Variants in RNF180 observed in about 807,000 individuals in gnomAD.
The protein encoded by RNF180 is ring finger protein 180, also known as E3 ubiquitin-protein ligase RNF180.
RNF180 carries 38 observed loss-of-function variants against 59.2 expected under a neutral mutation model. That is an observed-to-expected ratio of 0.64 (90% CI 0.50 to 0.84). The LOEUF (loss-of-function observed/expected upper bound fraction) is 0.84. RNF180 is among the 40% of genes least tolerant of loss of function. The pLI is 0.00. For synonymous variants in RNF180, 262 were observed against 240.3 expected, an observed-to-expected ratio of 1.09 and a Z score of -0.84; for missense variants, 705 against 700.9, an observed-to-expected ratio of 1.01 and a Z score of -0.07.
chr5:64,174,322 C>T (rs1750110625), intron 1 of RNF180, among the ~76,000 whole-genome samples: 1 of 152,094 alleles, frequency 6.6e-6, no homozygotes. Context: ...GATATATACC[C>T]AGAAGTGGGA....
intron 5 of RNF180, among the ~76,000 whole-genome samples, chr5:64,247,698 A>G (rs957165266): frequency 6.6e-6 from 1 of 152,238 alleles, no homozygotes; most frequent in African/African-American, 2.4e-5. Context: ...AGTAATTTAT[A>G]GATTCAATGC....
chr5:64,170,492 A>G (rs759604917), intron 1 of RNF180, among the ~76,000 whole-genome samples: 2 of 152,172 alleles, frequency 1.3e-5, no homozygotes, highest in Non-Finnish European at 2.9e-5. Flanking sequence ...TTATGTAAAG[A>G]TTTGGGTTTG....
At chr5:64,333,769 A>T (rs552137447) in intron 7 of RNF180, among the ~76,000 whole-genome samples, 1 of 152,268 alleles carries the variant, frequency 6.6e-6, no homozygotes, top group Admixed American at 6.5e-5. Context: ...AGGAGTTCCA[A>T]ATAACTTAAT....
chr5:64,338,859 G>A (rs1435616122), intron 7 of RNF180, among the ~76,000 whole-genome samples: 2 of 151,972 alleles, frequency 1.3e-5, no homozygotes, highest in Non-Finnish European at 2.9e-5. Context: ...TTAATGCACT[G>A]AATCATATTA....
chr5:64,369,263 G>A (rs1373704336), intron 7 of RNF180, among the ~76,000 whole-genome samples: 1 of 151,964 alleles, frequency 6.6e-6, no homozygotes, highest in Non-Finnish European at 1.5e-5. Flanking sequence ...CGAACAGTGA[G>A]AACACATGGA....
At chr5:64,182,637 A>G (rs1275434858) in intron 1 of RNF180, among the ~76,000 whole-genome samples, 1 of 152,224 alleles carries the variant, frequency 6.6e-6, no homozygotes, top group Non-Finnish European at 1.5e-5. Flanking sequence ...GAAGGACTAT[A>G]TAGAACAGCT....
At chr5:64,201,117 A>G (rs1017865216) in intron 2 of RNF180, among the ~76,000 whole-genome samples, 175 bp downstream of exon 2, 3 of 152,234 alleles carry the variant, frequency 2.0e-5, no homozygotes, top group Non-Finnish European at 4.4e-5. Flanking sequence ...CTAAAATGGT[A>G]TTCAAAAAGC....
intron 5 of RNF180, among the ~76,000 whole-genome samples, chr5:64,318,395 G>A (rs1744173727): frequency 6.6e-6 from 1 of 152,050 alleles, no homozygotes; most frequent in African/African-American, 2.4e-5. Context: ...ATCCTGTGTA[G>A]GATGGCAAAA....
chr5:64,247,024 A>G (rs534527388), intron 5 of RNF180, among the ~76,000 whole-genome samples: 14 of 152,328 alleles, frequency 9.2e-5, no homozygotes, highest in South Asian at 2.1e-4. Context: ...GATTATCTCA[A>G]TAGATGCAGA....
At chr5:64,235,138 G>A (rs931077263) in intron 5 of RNF180, among the ~76,000 whole-genome samples, 4 of 152,066 alleles carry the variant, frequency 2.6e-5, no homozygotes, top group African/African-American at 9.7e-5. Context: ...AAAAAAATTA[G>A]CTGGGCATGT....
chr5:64,282,659 TG>T (rs930970373), intron 5 of RNF180, among the ~76,000 whole-genome samples: 6 of 152,172 alleles, frequency 3.9e-5, no homozygotes, highest in African/African-American at 1.4e-4. Flanking sequence ...TTTTTTTATG[TG>T]GGTGTTTAGC....
intron 7 of RNF180, among the ~76,000 whole-genome samples, chr5:64,346,386 T>TC (rs1554045445): frequency 1.4e-5 from 2 of 139,628 alleles, no homozygotes; most frequent in Non-Finnish European, 3.1e-5. Flanking sequence ...TTTTTTTTTT[T>TC]CTGAGAGAGT....
chr5:64,314,281 T>C (rs919947137), intron 5 of RNF180, among the ~76,000 whole-genome samples: 1 of 132,582 alleles, frequency 7.5e-6, no homozygotes, highest in Non-Finnish European at 1.6e-5. Flanking sequence ...ATCTACAGCA[T>C]GCCAACATTT....
At chr5:64,324,700 G>A (rs1485432856) in intron 5 of RNF180, among the ~76,000 whole-genome samples, 3 of 152,074 alleles carry the variant, frequency 2.0e-5, no homozygotes, top group Non-Finnish European at 4.4e-5. Context: ...TTTCTTTGAG[G>A]TCCAGGAAGA....
intron 7 of RNF180, among the ~76,000 whole-genome samples, chr5:64,354,344 G>A (rs1745932555): frequency 6.6e-6 from 1 of 151,654 alleles, no homozygotes; most frequent in African/African-American, 2.4e-5. Context: ...AAACTTAGAG[G>A]ACTTAAGTAA....
At chr5:64,301,746 A>G (rs1195226593) in intron 5 of RNF180, among the ~76,000 whole-genome samples, 3 of 145,928 alleles carry the variant, frequency 2.1e-5, no homozygotes, top group Non-Finnish European at 3.0e-5. Flanking sequence ...TCTGGTTGTT[A>G]TAAGTCTCTT....
intron 5 of RNF180, among the ~76,000 whole-genome samples, chr5:64,311,984 C>G (rs1287842548): frequency 6.6e-6 from 1 of 151,976 alleles, no homozygotes; most frequent in Admixed American, 6.6e-5. Flanking sequence ...TATGATGGTA[C>G]ACGTATGCGA....
chr5:64,197,434 T>C (rs1751511089), intron 1 of RNF180, among the ~76,000 whole-genome samples: 1 of 152,218 alleles, frequency 6.6e-6, no homozygotes. Context: ...TTTTTCACTG[T>C]ATTGACATTT....
At chr5:64,240,592 C>G (rs751347973) in intron 5 of RNF180, among the ~76,000 whole-genome samples, 3 of 152,114 alleles carry the variant, frequency 2.0e-5, no homozygotes, top group Non-Finnish European at 4.4e-5. Context: ...ATGATGATTC[C>G]CTAAAAGTGT....
Sources: allele counts gnomAD v4.1 joint callset (sites outside exome capture counted in the v4.1 genomes callset), GRCh38; gene constraint gnomAD v4.1.1; transcripts MANE v1.5; gene names NCBI Gene and HGNC (gene_info 2026-07-23, HGNC 2026-07-21).